The following CKMT2 variants were observed in gnomAD, a reference collection of about 807,000 sequenced individuals.
CKMT2 encodes creatine kinase S-type, mitochondrial.
In CKMT2, 43 loss-of-function variants were observed where a neutral mutation model predicts 48.9. The ratio of observed to expected loss-of-function variants is 0.88; its 90% CI spans 0.69 to 1.13. The LOEUF is 1.13. Among genes scored for constraint, CKMT2 ranks in the 50% most tolerant of loss-of-function variants. The pLI is 0.00. For missense variants in CKMT2, 472 were observed against 555.4 expected (o/e 0.85, Z 1.51); for synonymous variants, 206 against 213.0 (o/e 0.97, Z 0.29).
intron 2 of CKMT2, chr5:81,251,935 C>T (rs919766227): frequency 6.5e-6 from 1 of 152,914 alleles, no homozygotes; most frequent in African/African-American, 2.4e-5. Flanking sequence ...AAAAATTAAA[C>T]AGTGCCCAAG....
In CKMT2 at chr5:81,241,253, C is replaced by T. The variant is rs557534670; in HGVS notation, c.-21+7876C>T. On this transcript the variant is annotated intron_variant, in intron 1 of 9. Coordinates refer to ENST00000254035, the MANE Select transcript of CKMT2 (RefSeq NM_001099735.2). ...AGGGAGGAAACCAATTCCTGCTCCT[C>T]GTGAATTCCAGAATGTAAGTTACCC... Among the ~76,000 whole-genome samples the T allele has an allele frequency of 9.2e-5, 14 of 152,118 alleles. No individual in the cohort carries two copies. The South Asian group carries it at 2.3e-3, about 25-fold the overall frequency.
chr5:81,235,389 T>A (rs1053075035), intron 1 of CKMT2, among the ~76,000 whole-genome samples: 5 of 152,172 alleles, frequency 3.3e-5, no homozygotes, highest in African/African-American at 1.2e-4. Flanking sequence ...GAGTGTTCTG[T>A]GGAGCTGGTC....
At chr5:81,253,571 C>T (rs1756895960) in intron 3 of CKMT2, among the ~76,000 whole-genome samples, 1 of 152,166 alleles carries the variant, frequency 6.6e-6, no homozygotes, top group Non-Finnish European at 1.5e-5. Context: ...TCTTCTGTTG[C>T]AGGGAGCTGA....
At position 81,256,900 on chromosome 5, in the gene CKMT2, C is replaced by A; in HGVS notation, c.670-15C>A. On this transcript the variant is annotated splice_polypyrimidine_tract_variant and intron_variant, in intron 5 of 9. Transcript: ENST00000254035. ...ATCAGTCTCTCCTCTCTGCTTTATC[C>A]CTTTTGGCCTACAGGACCACTTTCT... 6.3e-7 allele frequency: 1 copy of A among 1,598,312 alleles called. No homozygotes were observed. The highest frequency in any genetic ancestry group is 8.6e-7 in the Non-Finnish European group (1 of 1,166,920).
chr5:81,253,010 G>C (rs1473257322), intron 3 of CKMT2, 117 bp downstream of exon 3: 4 of 1,142,940 alleles, frequency 3.5e-6, no homozygotes, highest in African/African-American at 1.5e-5. Flanking sequence ...TCTCAGGAAG[G>C]GCTCTCATAA....
At chr5:81,254,865 A>G (rs2112809833) in intron 4 of CKMT2, 128 bp from the exon 5 acceptor site, 1 of 754,098 alleles carries the variant, frequency 1.3e-6, no homozygotes, top group African/African-American at 1.8e-5. Context: ...CAATTTACGG[A>G]TTGTGCAGTC....
intron 1 of CKMT2, chr5:81,238,642 T>TGG (rs1160130149): frequency 3.9e-5 from 6 of 152,476 alleles, no homozygotes; most frequent in African/African-American, 1.4e-4. Flanking sequence ...CCACGTGCTT[T>TGG]GGCTCCAACC....
At chr5:81,252,999 T>C in intron 3 of CKMT2, 106 bp downstream of exon 3, 1 of 1,253,182 alleles carries the variant, frequency 8.0e-7, no homozygotes, top group Non-Finnish European at 1.1e-6. Flanking sequence ...ACTTTCTGCC[T>C]TCTCAGGAAG....
intron 8 of CKMT2, among the ~76,000 whole-genome samples, chr5:81,259,589 G>A (rs926298758): frequency 6.6e-6 from 1 of 152,094 alleles, no homozygotes; most frequent in Non-Finnish European, 1.5e-5. Context: ...ACTTGAGCAT[G>A]CAAGAGATCA....
At chr5:81,256,884 T>G in intron 5 of CKMT2, 31 bp from the exon 6 acceptor site, 1 of 1,528,410 alleles carries the variant, frequency 6.5e-7, no homozygotes, top group Non-Finnish European at 9.0e-7. Flanking sequence ...CATCAGTCTC[T>G]CCTCTCTGCT....
At chr5:81,239,959 C>G (rs1338213391) in intron 1 of CKMT2, among the ~76,000 whole-genome samples, 1 of 152,130 alleles carries the variant, frequency 6.6e-6, no homozygotes, top group East Asian at 1.9e-4. Flanking sequence ...ACTAAGGACT[C>G]TGGAAAAGCT....
At chr5:81,243,775 C>T (rs958773377) in intron 1 of CKMT2, among the ~76,000 whole-genome samples, 2 of 151,858 alleles carry the variant, frequency 1.3e-5, no homozygotes, top group East Asian at 1.9e-4. Context: ...CTGCAACCTC[C>T]GCCTCCTGGG....
At chr5:81,243,358 G>A (rs1020377108) in intron 1 of CKMT2, among the ~76,000 whole-genome samples, 15 of 152,140 alleles carry the variant, frequency 9.9e-5, no homozygotes, top group Admixed American at 7.9e-4. Context: ...GGTCCAATTA[G>A]GCAGAGAAAG....
At chr5:81,240,385 G>T (rs1384428422) in intron 1 of CKMT2, among the ~76,000 whole-genome samples, 2 of 152,170 alleles carry the variant, frequency 1.3e-5, no homozygotes, top group Non-Finnish European at 2.9e-5. Flanking sequence ...CCATTCCTTG[G>T]GAGACAAAGG....
chr5:81,245,258 G>A (rs1275796294), intron 1 of CKMT2: 1 of 152,184 alleles, frequency 6.6e-6, no homozygotes, highest in Non-Finnish European at 1.5e-5. Flanking sequence ...CCTCCCAGAA[G>A]TGCGAGGTGG....
At chr5:81,260,444 T>A (rs1438089155) in intron 8 of CKMT2, among the ~76,000 whole-genome samples, 1 of 151,966 alleles carries the variant, frequency 6.6e-6, no homozygotes, top group Admixed American at 6.6e-5. Context: ...CAGGAGCGGG[T>A]TTTTTGAAAA....
intron 1 of CKMT2, among the ~76,000 whole-genome samples, chr5:81,241,378 CT>C (rs1200612976): frequency 1.3e-5 from 2 of 152,080 alleles, no homozygotes; most frequent in African/African-American, 2.4e-5. Flanking sequence ...GTATATAAAT[CT>C]TTTTAAAAGC....
chr5:81,253,190 C>T (rs1214032391), intron 3 of CKMT2, among the ~76,000 whole-genome samples: 1 of 152,090 alleles, frequency 6.6e-6, no homozygotes, highest in African/African-American at 2.4e-5. Flanking sequence ...GGTACAGAAA[C>T]AATAAAATTG....
intron 1 of CKMT2, among the ~76,000 whole-genome samples, chr5:81,243,585 A>G (rs768221866): frequency 5.3e-5 from 8 of 152,196 alleles, no homozygotes; most frequent in Non-Finnish European, 1.0e-4. Context: ...CTCTAGTGCA[A>G]TGGAGCTGAA....
Sources: gnomAD v4.1 joint callset for allele counts (sites outside exome capture counted in the v4.1 genomes callset) on GRCh38, gnomAD v4.1.1 for gene constraint, MANE v1.5 for transcripts, NCBI Gene and HGNC (gene_info 2026-07-23, HGNC 2026-07-21) for gene names.